ERBB4: variants seen among roughly 807,000 people sequenced by gnomAD.
ERBB4 encodes the protein erb-b2 receptor tyrosine kinase 4.
ERBB4 carries 42 observed loss-of-function variants against 158.0 expected under a neutral mutation model. That is an observed-to-expected ratio of 0.27 (90% CI 0.21 to 0.34). The LOEUF (loss-of-function observed/expected upper bound fraction) is 0.34. Ranked by LOEUF, ERBB4 falls within the 10% of genes least tolerant of loss-of-function variation. The pLI, the probability that ERBB4 is intolerant of heterozygous loss-of-function variation, is 1.00. For missense variants in ERBB4, 1,333 were observed against 1,624.1 expected, an observed-to-expected ratio of 0.82 and a Z score of 3.08; for synonymous variants, 583 against 558.7, an observed-to-expected ratio of 1.04 and a Z score of -0.61.
At chr2:212,476,893 G>T (rs148359429) in intron 1 of ERBB4, among the ~76,000 whole-genome samples, 2 of 152,130 alleles carry the variant, frequency 1.3e-5, no homozygotes, top group Non-Finnish European at 2.9e-5. Flanking sequence ...TACCACTCTA[G>T]CAGTCTATAT....
chr2:212,159,470 T>C (rs534390886), intron 1 of ERBB4, among the ~76,000 whole-genome samples: 18 of 152,128 alleles, frequency 1.2e-4, no homozygotes, highest in Non-Finnish European at 2.5e-4. Flanking sequence ...TTTACATATG[T>C]ATTACTTATA....
chr2:212,164,512 G>A (rs976217970), intron 1 of ERBB4, among the ~76,000 whole-genome samples: 1 of 151,768 alleles, frequency 6.6e-6, no homozygotes, highest in African/African-American at 2.4e-5. Context: ...TAAATACAAT[G>A]TATCCTTAAC....
rs2062522178 is a variant in ERBB4 at position 211,378,678 on chromosome 2, A to T, written c.*4937T>A. ...CAGTAATAATGAGGTCTCCACTGAT[A>T]ATGATCTTTTAAAATTATGCCTGAT... is the stretch of plus-strand genomic sequence containing the variant. On this transcript the variant is annotated 3_prime_UTR_variant, in exon 28 of 28. Coordinates refer to ENST00000342788, the MANE Select transcript of ERBB4 (RefSeq NM_005235.3). 1 of 232,280 alleles carries T rather than the reference A, an allele frequency of 4.3e-6. No homozygotes were observed. Among genetic ancestry groups the T allele is most frequent in the Non-Finnish European group, 8.5e-6 (1 of 117,220 alleles). 14.4% of individuals were successfully genotyped at this position (232,280 alleles called of 1,614,324 possible). A position where few individuals can be genotyped will look rare whatever the true frequency, so the allele number is the denominator to read the frequency against.
intron 2 of ERBB4, among the ~76,000 whole-genome samples, chr2:212,078,987 G>A (rs563796074): frequency 4.6e-4 from 69 of 150,680 alleles, no homozygotes; most frequent in African/African-American, 1.6e-3. Context: ...ACCTATCCAC[G>A]TTAGTATTTA....
At chr2:212,069,596 G>C (rs548907010) in intron 2 of ERBB4, among the ~76,000 whole-genome samples, 2 of 151,900 alleles carry the variant, frequency 1.3e-5, no homozygotes, top group Non-Finnish European at 2.9e-5. Context: ...AAGGTGTTCG[G>C]TTTAAACATT....
intron 20 of ERBB4, among the ~76,000 whole-genome samples, chr2:211,465,645 A>G (rs767479040): frequency 2.0e-5 from 3 of 152,164 alleles, no homozygotes; most frequent in Non-Finnish European, 4.4e-5. Flanking sequence ...GTCATTTTGT[A>G]TAAGTCACTG....
chr2:211,515,912 A>T (rs4372819), intron 20 of ERBB4, among the ~76,000 whole-genome samples: 945 of 79,032 alleles, frequency 0.012, 31 homozygotes, highest in Non-Finnish European at 0.014. Context: ...ATATATATAT[A>T]TTTTTTTTTT....
At chr2:212,328,155 G>T (rs2087950145) in intron 1 of ERBB4, among the ~76,000 whole-genome samples, 1 of 151,898 alleles carries the variant, frequency 6.6e-6, no homozygotes, top group African/African-American at 2.4e-5. Context: ...ATGGATTCAA[G>T]ATGGCTTCAA....
intron 2 of ERBB4, among the ~76,000 whole-genome samples, chr2:212,101,929 C>A (rs897685249): frequency 6.6e-6 from 1 of 151,460 alleles, no homozygotes; most frequent in Non-Finnish European, 1.5e-5. Flanking sequence ...TACCTCCTTT[C>A]GGTCACCAAT....
intron 1 of ERBB4, among the ~76,000 whole-genome samples, chr2:212,436,852 G>T (rs531935301): frequency 6.6e-6 from 1 of 151,958 alleles, no homozygotes; most frequent in African/African-American, 2.4e-5. Flanking sequence ...AATTCCAGCA[G>T]GCAAAGAATG....
chr2:212,050,133 C>T (rs926769181), intron 2 of ERBB4, among the ~76,000 whole-genome samples: 1 of 151,930 alleles, frequency 6.6e-6, no homozygotes, highest in East Asian at 1.9e-4. Context: ...TAAAATGCAT[C>T]CTCATAGTTT....
intron 2 of ERBB4, among the ~76,000 whole-genome samples, chr2:212,116,994 G>A (rs2079590585): frequency 6.6e-6 from 1 of 151,954 alleles, no homozygotes; most frequent in South Asian, 2.1e-4. Context: ...TCCATGATTA[G>A]ATTTAGTACA....
intron 1 of ERBB4, among the ~76,000 whole-genome samples, chr2:212,401,816 GA>G (rs2091214943): frequency 6.6e-6 from 1 of 151,916 alleles, no homozygotes; most frequent in Non-Finnish European, 1.5e-5. Context: ...CATAATTATT[GA>G]AAACTCGGGA....
intron 19 of ERBB4, among the ~76,000 whole-genome samples, chr2:211,616,443 C>T (rs182063771): frequency 1.2e-3 from 186 of 152,248 alleles, no homozygotes; most frequent in Non-Finnish European, 2.2e-3. Flanking sequence ...AAACTTATTA[C>T]TTTTAACCAA....
intron 2 of ERBB4, among the ~76,000 whole-genome samples, chr2:212,105,780 TG>T (rs2079208873): frequency 6.6e-6 from 1 of 152,208 alleles, no homozygotes; most frequent in East Asian, 1.9e-4. Context: ...CCACGTGTTG[TG>T]GGAGGGACCC....
intron 1 of ERBB4, among the ~76,000 whole-genome samples, chr2:212,167,840 C>T (rs1196607760): frequency 6.6e-6 from 1 of 152,006 alleles, no homozygotes; most frequent in Non-Finnish European, 1.5e-5. Context: ...AATACAGGAA[C>T]AGAAAACCAA....
intron 20 of ERBB4, among the ~76,000 whole-genome samples, chr2:211,448,139 A>G (rs1224780521): frequency 6.6e-6 from 1 of 151,908 alleles, no homozygotes; most frequent in Non-Finnish European, 1.5e-5. Flanking sequence ...CACCTGGCTA[A>G]TTTTTATATT....
chr2:212,526,627 T>G (rs1326853422), intron 1 of ERBB4, among the ~76,000 whole-genome samples: 1 of 152,002 alleles, frequency 6.6e-6, no homozygotes, highest in African/African-American at 2.4e-5. Flanking sequence ...GAAATACTAA[T>G]CTTTTTATTG....
chr2:211,702,118 C>A lies in ERBB4; in HGVS notation c.1338G>T (p.Gln446His). Residue 446 changes from glutamine (Q) to histidine (H), a missense_variant, in exon 12 of 28, where the codon CAG becomes CAT. Physicochemically the swap from Gln to His is conservative, Grantham distance 24. This residue lies in a region of ERBB4 where 438 missense variants were observed against 586.9 expected (regional missense o/e 0.75). Coordinates refer to ENST00000342788, the MANE Select transcript of ERBB4 (RefSeq NM_005235.3). ...ILKQQGITSL[Q>H]FQSLKEISAG... is the part of the protein sequence containing the mutation. ...CGCTGATTTCCTTCAGGGACTGGAACTGTAGAGAGGTGATGCCCTGTTGCT... is the reference window on the plus strand; with the variant it reads ...CGCTGATTTCCTTCAGGGACTGGAAATGTAGAGAGGTGATGCCCTGTTGCT... 6.2e-7 allele frequency: 1 copy of A among 1,614,024 alleles called. No individual in the cohort carries two copies. The highest frequency in any genetic ancestry group is 8.5e-7 in the Non-Finnish European group (1 of 1,180,008).
Sources: allele counts gnomAD v4.1 joint callset (sites outside exome capture counted in the v4.1 genomes callset), GRCh38; gene constraint gnomAD v4.1.1; regional missense constraint gnomAD v4.1.1; transcripts MANE v1.5; gene names NCBI Gene and HGNC (gene_info 2026-07-23, HGNC 2026-07-21).